RERG: variants seen among roughly 807,000 people sequenced by gnomAD.
RERG encodes the protein RAS like estrogen regulated growth inhibitor.
Under a neutral mutation model 23.2 loss-of-function variants are expected in RERG, and 25 were observed. The observed-to-expected ratio is 1.08, with a 90% CI of 0.79 to 1.50. The LOEUF (loss-of-function observed/expected upper bound fraction) is 1.50, where lower values mean the gene tolerates loss of function less well. RERG is among the 40% of genes most tolerant of loss of function. The pLI is 0.00. For missense variants in RERG, 253 were observed against 250.1 expected, an observed-to-expected ratio of 1.01 and a Z score of -0.08; for synonymous variants, 81 against 89.1, an observed-to-expected ratio of 0.91 and a Z score of 0.51.
intron 2 of RERG, among the ~76,000 whole-genome samples, chr12:15,209,315 T>C (rs546554774): frequency 3.9e-5 from 6 of 152,164 alleles, no homozygotes; most frequent in African/African-American, 1.4e-4. Context: ...TCTGTAAAAA[T>C]TGAAAAAAGA....
rs188663562 is a variant in RERG, at chr12:15,124,245, C to A, written c.62-3126G>T. Reference sequence around the variant, plus strand: ...TAGTCACGTTATTTCTAAAAATTAACCAATCTATGCTGGTTACTCAAAATA... The same window carrying A: ...TAGTCACGTTATTTCTAAAAATTAAACAATCTATGCTGGTTACTCAAAATA... On this transcript the variant is annotated intron_variant, in intron 2 of 4. Transcript: ENST00000256953. 3.5e-4 allele frequency among the ~76,000 whole-genome samples: 53 copies of A among 151,716 alleles called. No individual in the cohort carries two copies. The East Asian group carries it at 0.01, about 29-fold the overall frequency.
At chr12:15,135,876 C>T (rs1315690875) in intron 2 of RERG, among the ~76,000 whole-genome samples, 1 of 151,930 alleles carries the variant, frequency 6.6e-6, no homozygotes, top group African/African-American at 2.4e-5. Context: ...CCTGTAATAC[C>T]TTTGCCTGCT....
chr12:15,195,530 C>A (rs1865131097), intron 2 of RERG, among the ~76,000 whole-genome samples: 1 of 147,808 alleles, frequency 6.8e-6, no homozygotes, highest in Non-Finnish European at 1.5e-5. Flanking sequence ...CACTTAACTT[C>A]TTAAGGCACA....
intron 2 of RERG, among the ~76,000 whole-genome samples, chr12:15,158,198 A>G (rs1482290175): frequency 6.6e-6 from 1 of 152,190 alleles, no homozygotes; most frequent in Non-Finnish European, 1.5e-5. Flanking sequence ...TCCTTGGTCC[A>G]GAATCTAATC....
rs572117607 is a variant in RERG at position 15,174,589 on chromosome 12, T to C, written c.61+42840A>G. On this transcript the variant is annotated intron_variant, in intron 2 of 4. Transcript: ENST00000256953. ...CTTCTTTCTTTCCTCTATTCTCACA[T>C]TCCAATTACACATATACATTTGTAT... Among the ~76,000 whole-genome samples, 7 of 152,090 alleles carry C rather than the reference T, an allele frequency of 4.6e-5. No individual in the cohort carries two copies. The East Asian group carries it at 1.4e-3, about 29-fold the overall frequency.
At chr12:15,213,589 C>G (rs1289931831) in intron 2 of RERG, among the ~76,000 whole-genome samples, 1 of 152,302 alleles carries the variant, frequency 6.6e-6, no homozygotes, top group Non-Finnish European at 1.5e-5. Context: ...AGAATTCCCC[C>G]AATACAGCAG....
chr12:15,133,702 T>A (rs978853997), intron 2 of RERG, among the ~76,000 whole-genome samples: 4 of 146,786 alleles, frequency 2.7e-5, no homozygotes, highest in African/African-American at 1.0e-4. Context: ...CCACTTTTGA[T>A]CCCCACCAGC....
rs1865459859 is a variant in RERG at position 15,217,534 on chromosome 12, T to C, written c.-45A>G. On this transcript the variant is annotated 5_prime_UTR_variant, in exon 2 of 5. Transcript: ENST00000256953. ...TTTACTGTTGTTAAAACTAAAGCAC[T>C]GAGTAAATCTTTTTGGTTCCAGTCT... 3 of 1,350,522 alleles carry C rather than the reference T, an allele frequency of 2.2e-6. No individual in the cohort carries two copies. 83.7% of individuals were successfully genotyped at this position (1,350,522 alleles called of 1,614,324 possible). A position where few individuals can be genotyped will look rare whatever the true frequency, so the allele number is the denominator to read the frequency against.
chr12:15,143,349 T>C (rs12581606), intron 2 of RERG, among the ~76,000 whole-genome samples: 24 of 18,192 alleles, frequency 1.3e-3, no homozygotes, highest in Middle Eastern at 0.019. Context: ...CATACACACA[T>C]GTGTGTATGT....
intron 3 of RERG, among the ~76,000 whole-genome samples, chr12:15,116,944 T>C (rs1591633355): frequency 6.6e-6 from 1 of 152,114 alleles, no homozygotes; most frequent in East Asian, 1.9e-4. Flanking sequence ...AACCAAAATA[T>C]AGTATACTGT....
chr12:15,110,089 C>A (rs1392019925), intron 4 of RERG, among the ~76,000 whole-genome samples: 2 of 151,014 alleles, frequency 1.3e-5, no homozygotes, highest in African/African-American at 4.9e-5. Flanking sequence ...CTTTTTTTTT[C>A]TTTTCCTATC....
chr12:15,150,593 A>C (rs1030291104), intron 2 of RERG, among the ~76,000 whole-genome samples: 6 of 152,202 alleles, frequency 3.9e-5, no homozygotes, highest in African/African-American at 1.4e-4. Context: ...CTAGGGACTT[A>C]GTTTTCTCCA....
chr12:15,221,241 C>G lies in RERG; in HGVS notation c.-161G>C, dbSNP rs1221555457. ...GGAGAGCTACGGTCCTCTGCAAGTT[C>G]GGAATGGGTCCCCCAAGATCGCGAA... is the stretch of plus-strand genomic sequence containing the variant. On this transcript the variant is annotated 5_prime_UTR_variant, in exon 1 of 5. Coordinates refer to ENST00000256953, the MANE Select transcript of RERG (RefSeq NM_032918.3). 6.6e-6 allele frequency: 1 copy of G among 152,354 alleles called. No individual in the cohort carries two copies. The highest frequency in any genetic ancestry group is 6.5e-5 in the Admixed American group (1 of 15,288). 9.4% of individuals were successfully genotyped at this position (152,354 alleles called of 1,614,324 possible).
rs574547651 is a variant in RERG, at chr12:15,142,297, C to T, written c.62-21178G>A. ...TATGTTCATTTCAACACAAATGCCA[C>T]AGGAATATTCTCTTGCTAGCAACTC... On this transcript the variant is annotated intron_variant, in intron 2 of 4. Coordinates refer to ENST00000256953, the MANE Select transcript of RERG (RefSeq NM_032918.3). 3.2e-4 allele frequency among the ~76,000 whole-genome samples: 49 copies of T among 152,244 alleles called. No individual in the cohort carries two copies. In the South Asian group the frequency reaches 9.7e-3, roughly 30 times the overall value.
intron 2 of RERG, among the ~76,000 whole-genome samples, chr12:15,131,780 T>A (rs1388226718): frequency 6.6e-6 from 1 of 152,184 alleles, no homozygotes; most frequent in Admixed American, 6.5e-5. Flanking sequence ...TATGGACACA[T>A]ACAGTTCATT....
At chr12:15,193,838 C>T (rs901144986) in intron 2 of RERG, among the ~76,000 whole-genome samples, 21 of 152,042 alleles carry the variant, frequency 1.4e-4, no homozygotes, top group African/African-American at 4.6e-4. Flanking sequence ...TGCCTTAGAA[C>T]GCTTTGGCTA....
At chr12:15,204,109 G>T (rs1030743393) in intron 2 of RERG, among the ~76,000 whole-genome samples, 1 of 151,592 alleles carries the variant, frequency 6.6e-6, no homozygotes, top group African/African-American at 2.4e-5. Context: ...ACCCAGAATA[G>T]CCAACACAAT....
intron 2 of RERG, among the ~76,000 whole-genome samples, chr12:15,165,915 G>A (rs768827169): frequency 2.0e-5 from 3 of 152,124 alleles, no homozygotes; most frequent in Admixed American, 6.5e-5. Flanking sequence ...GATGTGCTTC[G>A]ATCACAATTG....
At chr12:15,176,619 T>C (rs997254741) in intron 2 of RERG, among the ~76,000 whole-genome samples, 3 of 152,162 alleles carry the variant, frequency 2.0e-5, no homozygotes, top group African/African-American at 7.2e-5. Context: ...AGACACGAGA[T>C]AATAGAAATT....
Sources: allele counts gnomAD v4.1 joint callset (sites outside exome capture counted in the v4.1 genomes callset), GRCh38; gene constraint gnomAD v4.1.1; transcripts MANE v1.5; gene names NCBI Gene and HGNC (gene_info 2026-07-23, HGNC 2026-07-21).